The following CYP2D6 variants were observed in gnomAD, a reference collection of about 807,000 sequenced individuals.
The protein encoded by CYP2D6 is cytochrome P450 2D6.
CYP2D6 carries 51 observed loss-of-function variants against 43.5 expected under a neutral mutation model. That is an observed-to-expected ratio of 1.17 (90% CI 0.94 to 1.48). CYP2D6 has a LOEUF of 1.48. Ranked by LOEUF, CYP2D6 falls within the 40% of genes most tolerant of loss-of-function variation. CYP2D6 has a pLI of 0.00. For missense variants in CYP2D6, 698 were observed against 688.0 expected (o/e 1.01, Z -0.16); for synonymous variants, 346 against 297.1 (o/e 1.16, Z -1.69).
At position 42,126,666 on chromosome 22, in the gene CYP2D6, C is replaced by G; in HGVS notation, c.1402G>C (p.Val468Leu). The G allele has an allele frequency of 1.9e-6, 3 of 1,607,580 alleles. No homozygotes were observed. The highest frequency in any genetic ancestry group is 2.5e-6 in the Non-Finnish European group (3 of 1,177,014). The change falls in exon 9 of 9, where the codon GTG becomes CTG. Residue 468 changes from valine (V) to leucine (L), a missense_variant. By Grantham distance (32) the Val-to-Leu change is conservative. Coordinates refer to ENST00000645361, the MANE Select transcript of CYP2D6 (RefSeq NM_000106.6). ...TSLLQHFSFS[V>L]PTGQPRPSHH... Reference sequence around the variant, plus strand: ...CTGGGCCGGGGCTGTCCAGTGGGCACCGAGAAGCTGAAGTGCTGCAGCAGG... The same window carrying G: ...CTGGGCCGGGGCTGTCCAGTGGGCAGCGAGAAGCTGAAGTGCTGCAGCAGG...
chr22:42,127,600 C>T lies in CYP2D6; in HGVS notation c.1020G>A (p.Gly340=), dbSNP rs766662624. ...RVQQEIDDVI[G]QVRRPEMGDQ... ...CACCCATCTCTGGTCGCCGCACCTG[C>T]CCTATCACGTCGTCGATCTCCTGTT... The change falls in exon 7 of 9, where the codon GGG becomes GGA. Residue 340 remains glycine (G), a synonymous_variant. Transcript: ENST00000645361. The T allele has an allele frequency of 1.9e-6, 3 of 1,611,870 alleles. No homozygotes were observed. The highest frequency in any genetic ancestry group is 2.7e-5 in the African/African-American group (2 of 74,590).
At chr22:42,127,173 C>T (rs1249410876) in intron 7 of CYP2D6, among the ~76,000 whole-genome samples, 181 bp from the exon 8 acceptor site, 4 of 151,100 alleles carry the variant, frequency 2.6e-5, no homozygotes, top group Non-Finnish European at 5.9e-5. Context: ...TCACACCTCT[C>T]AGAGGCACCC....
In CYP2D6 at chr22:42,128,165, C is replaced by T; in HGVS notation, c.843+9G>A. The stretch of plus-strand genomic sequence containing the variant: ...CACCCTTGCCCCCCACCGTGGCAGC[C>T]ACTCTCACCTTCTCCATCTCTGCCA... On this transcript the variant is annotated intron_variant, in intron 5 of 8. Coordinates refer to ENST00000645361, the MANE Select transcript of CYP2D6 (RefSeq NM_000106.6). The T allele has an allele frequency of 6.2e-6, 10 of 1,601,840 alleles. No homozygotes were observed. The highest frequency in any genetic ancestry group is 8.5e-6 in the Non-Finnish European group (10 of 1,173,556).
intron 6 of CYP2D6, 84 bp downstream of exon 6, chr22:42,127,758 C>A (rs539070953): frequency 6.4e-7 from 1 of 1,573,884 alleles, no homozygotes; most frequent in Non-Finnish European, 8.7e-7. Context: ...GTGCTTGGAG[C>A]CCCGGGTGTC....
chr22:42,128,454 C>T (rs1304168302), intron 4 of CYP2D6, 104 bp from the exon 5 acceptor site: 3 of 1,334,530 alleles, frequency 2.2e-6, no homozygotes, highest in Non-Finnish European at 2.1e-6. Context: ...CCTGCCTGTC[C>T]TTACCACTGA....
In CYP2D6 at chr22:42,127,629, C is replaced by T; in HGVS notation, c.991G>A (p.Val331Ile). ...MILHPDVQRR[V>I]QQEIDDVIGQ... ...ATCACGTCGTCGATCTCCTGTTGGA[C>T]ACGGCCTGGACAGACATGCGTCCCC... Residue 331 changes from valine (V) to isoleucine (I), a missense_variant, in exon 7 of 9, where the codon GTC (valine) becomes ATC (isoleucine). Transcript: ENST00000645361. The T allele has an allele frequency of 6.2e-7, 1 of 1,611,316 alleles. No individual in the cohort carries two copies. Among genetic ancestry groups the T allele is most frequent in the Non-Finnish European group, 8.5e-7 (1 of 1,178,212 alleles).
rs767861696 is a variant in CYP2D6 at position 42,127,683 on chromosome 22, C to A, written c.986-49G>T. 5.0e-6 allele frequency: 8 copies of A among 1,588,708 alleles called. 1 individual carries two copies. The East Asian group carries it at 9.0e-5, about 18-fold the overall frequency. ...ATGGGTCAGCACCCAGGGGGTCCGG[C>A]CCTGACACTCCTTCTTGCCTCCTAT... On this transcript the variant is annotated intron_variant, in intron 6 of 8. Coordinates refer to ENST00000645361, the MANE Select transcript of CYP2D6 (RefSeq NM_000106.6).
chr22:42,128,330 G>A lies in CYP2D6; in HGVS notation c.687C>T (p.Val229=), dbSNP rs765255589. The part of the protein sequence containing the change: ...FLREVLNAVP[V]LLHIPALAGK... Reference sequence around the variant, plus strand: ...CAGCCAGCGCTGGGATATGCAGGAGGACGGGGACAGCATTCAGCACCTACA... The same window carrying A: ...CAGCCAGCGCTGGGATATGCAGGAGAACGGGGACAGCATTCAGCACCTACA... The change falls in exon 5 of 9, where the codon GTC becomes GTT. Residue 229 remains valine (V), a synonymous_variant. Coordinates refer to ENST00000645361, the MANE Select transcript of CYP2D6 (RefSeq NM_000106.6). 1.9e-5 allele frequency: 30 copies of A among 1,610,112 alleles called. 1 individual carries two copies. Among genetic ancestry groups the A allele is most frequent in the Non-Finnish European group, 2.5e-5 (29 of 1,177,708 alleles).
chr22:42,127,842 G>C lies in CYP2D6; in HGVS notation c.985C>G (p.Arg329Gly), dbSNP rs150216909. The change falls in exon 6 of 9, where the codon CGC (arginine) becomes GGC (glycine). Residue 329 changes from arginine to glycine, a missense_variant and splice_region_variant. Transcript: ENST00000645361. ...TGCACTGTTTCCCAGATGGGCTCAC[G>C]CTGCACATCCGGATGTAGGATCATG... The part of the protein sequence containing the change: ...LLMILHPDVQ[R>G]RVQQEIDDVI... The C allele has an allele frequency of 1.9e-6, 3 of 1,610,840 alleles. No individual in the cohort carries two copies. The highest frequency in any genetic ancestry group is 2.5e-6 in the Non-Finnish European group (3 of 1,177,980).
Position 42,129,169 on chromosome 22 carries a change from G to T in CYP2D6, c.369C>A (p.Arg123=). Residue 123 remains arginine, a synonymous_variant, in exon 3 of 9, where the codon CGC becomes CGA. Coordinates refer to ENST00000645361, the MANE Select transcript of CYP2D6 (RefSeq NM_000106.6). The part of the protein sequence containing the change: ...GPRSQGVFLA[R]YGPAWREQRR... ...TCTGCTCGCGCCACGCGGGCCCATAGCGCGCCAGGAACACCCCTGGGGGTG... is the reference window on the plus strand; with the variant it reads ...TCTGCTCGCGCCACGCGGGCCCATATCGCGCCAGGAACACCCCTGGGGGTG... 4 of 1,606,030 alleles carry T rather than the reference G, an allele frequency of 2.5e-6. No individual in the cohort carries two copies. Among genetic ancestry groups the T allele is most frequent in the Non-Finnish European group, 1.7e-6 (2 of 1,178,064 alleles).
intron 2 of CYP2D6, 33 bp from the exon 3 acceptor site, chr22:42,129,218 T>C: frequency 1.3e-6 from 2 of 1,595,872 alleles, no homozygotes; most frequent in Non-Finnish European, 1.7e-6. Context: ...CGCGTGGCCA[T>C]GAAGGCATTA....
In CYP2D6 at chr22:42,129,193, T is replaced by A. The variant is rs267608305; in HGVS notation, c.353-8A>T. The A allele has an allele frequency of 1.3e-6, 2 of 1,594,394 alleles. No individual in the cohort carries two copies. The highest frequency in any genetic ancestry group is 1.7e-6 in the Non-Finnish European group (2 of 1,171,302). On this transcript the variant is annotated splice_region_variant and splice_polypyrimidine_tract_variant and intron_variant, in intron 2 of 8. Coordinates refer to ENST00000645361, the MANE Select transcript of CYP2D6 (RefSeq NM_000106.6). ...AGCGCGCCAGGAACACCCCTGGGGG[T>A]GGGACGGGCACGTGCGCGTGGCCAT...
intron 2 of CYP2D6, 147 bp downstream of exon 2, chr22:42,129,591 C>A (rs1356142502): frequency 9.2e-7 from 1 of 1,091,126 alleles, no homozygotes; most frequent in Non-Finnish European, 1.3e-6. Flanking sequence ...TCACACCTCC[C>A]TAGTGCAGGT....
chr22:42,127,766 G>A (rs1177073628), intron 6 of CYP2D6, 76 bp downstream of exon 6: 1 of 1,581,538 alleles, frequency 6.3e-7, no homozygotes. Context: ...AGCCCCGGGT[G>A]TCCCAGCAAA....
At chr22:42,129,572 T>C (rs1378190807) in intron 2 of CYP2D6, among the ~76,000 whole-genome samples, 166 bp downstream of exon 2, 1 of 151,320 alleles carries the variant, frequency 6.6e-6, no homozygotes, top group Non-Finnish European at 1.5e-5. Context: ...CCCGCCCTCG[T>C]CCCCATGCTC....
In CYP2D6 at chr22:42,128,354, C is replaced by T. The variant is rs771359849; in HGVS notation, c.667-4G>A. 1.9e-6 allele frequency: 3 copies of T among 1,610,096 alleles called. No individual in the cohort carries two copies. The highest frequency in any genetic ancestry group is 2.5e-6 in the Non-Finnish European group (3 of 1,177,570). ...GGACGGGGACAGCATTCAGCACCTACACCAGACAGAACGGGGTCTCAATCC... is the reference window on the plus strand; with the variant it reads ...GGACGGGGACAGCATTCAGCACCTATACCAGACAGAACGGGGTCTCAATCC... On this transcript the variant is annotated splice_polypyrimidine_tract_variant and splice_region_variant and intron_variant, in intron 4 of 8. Transcript: ENST00000645361.
chr22:42,129,354 G>A lies in CYP2D6; in HGVS notation c.353-169C>T, dbSNP rs745422398. On this transcript the variant is annotated intron_variant, in intron 2 of 8. Coordinates refer to ENST00000645361, the MANE Select transcript of CYP2D6 (RefSeq NM_000106.6). Reference sequence around the variant, plus strand: ...ACCTTGCTCCCTTGGCTGGGGCAGGGCTTTGCCCCACCTCGTCTCTGCCCA... The same window carrying A: ...ACCTTGCTCCCTTGGCTGGGGCAGGACTTTGCCCCACCTCGTCTCTGCCCA... 1.3e-5 allele frequency: 13 copies of A among 1,016,144 alleles called. 1 individual carries two copies. In the South Asian group the frequency reaches 1.6e-4, roughly 13 times the overall value. 62.9% of individuals were successfully genotyped at this position (1,016,144 alleles called of 1,614,324 possible).
At position 42,128,779 on chromosome 22, in the gene CYP2D6, C is replaced by A; in HGVS notation, c.666+5G>T. On this transcript the variant is annotated splice_donor_5th_base_variant and intron_variant, in intron 4 of 8. Transcript: ENST00000645361. Reference sequence around the variant, plus strand: ...GCAGAGACTCCTCGGTCTCTCGCTCCGCACCTCGCGCAGAAAGCCCGACTC... The same window carrying A: ...GCAGAGACTCCTCGGTCTCTCGCTCAGCACCTCGCGCAGAAAGCCCGACTC... 2 of 1,604,188 alleles carry A rather than the reference C, an allele frequency of 1.2e-6. No individual in the cohort carries two copies. Among genetic ancestry groups the A allele is most frequent in the South Asian group, 1.1e-5 (1 of 89,660 alleles).
rs118203758 is a variant in CYP2D6, at chr22:42,130,667, C to T, written c.125G>A (p.Gly42Glu). The T allele has an allele frequency of 9.4e-5, 152 of 1,608,898 alleles. 5 individuals are homozygous for T. In the East Asian group the frequency reaches 1.8e-3, roughly 19 times the overall value. Residue 42 changes from glycine (G) to glutamate (E), a missense_variant, in exon 1 of 9, where the codon GGG becomes GAG. Transcript: ENST00000645361. ...GTCCACATGCAGCAGGTTGCCCAGC[C>T]CGGGCAGTGGCAGGGGGCCTGGTGG... ...RYPPGPLPLP[G>E]LGNLLHVDFQ...
Sources: gnomAD v4.1 joint callset for allele counts (sites outside exome capture counted in the v4.1 genomes callset) on GRCh38, gnomAD v4.1.1 for gene constraint, MANE v1.5 for transcripts, NCBI Gene and HGNC (gene_info 2026-07-23, HGNC 2026-07-21) for gene names.